NRAP: variants seen among roughly 807,000 people sequenced by gnomAD.
NRAP encodes the protein nebulin-related-anchoring protein.
Under a neutral mutation model 225.9 loss-of-function variants are expected in NRAP, and 189 were observed. That is an observed-to-expected ratio of 0.84 (90% CI 0.74 to 0.94). The LOEUF (loss-of-function observed/expected upper bound fraction) is 0.94, where lower values mean the gene tolerates loss of function less well. NRAP is among the 40% of genes least tolerant of loss of function. NRAP has a pLI of 0.00. For synonymous variants in NRAP, 769 were observed against 790.7 expected, an observed-to-expected ratio of 0.97 and a Z score of 0.46; for missense variants, 2,176 against 2,168.7, an observed-to-expected ratio of 1.00 and a Z score of -0.07.
Position 113,588,903 on chromosome 10 carries a change from A to G in NRAP, c.*72T>C. On this transcript the variant is annotated 3_prime_UTR_variant, in exon 42 of 42. Transcript: ENST00000359988. ...TGGGCCATTCCAGCTTGCCGAAATC[A>G]AAGCCATCTGAAGCCTGTCTCTGGT... The G allele has an allele frequency of 8.2e-7, 1 of 1,226,738 alleles. No individual in the cohort carries two copies. Among genetic ancestry groups the G allele is most frequent in the Non-Finnish European group, 1.2e-6 (1 of 838,248 alleles). The allele number at this position is 1,226,738 out of a possible 1,614,324, so 76.0% of individuals were successfully genotyped here. A position where few individuals can be genotyped will look rare whatever the true frequency, so the allele number is the denominator to read the frequency against.
intron 22 of NRAP, among the ~76,000 whole-genome samples, chr10:113,624,354 G>A (rs713585): frequency 0.12 from 17,814 of 152,186 alleles, 1,118 homozygotes; most frequent in Non-Finnish European, 0.14. Flanking sequence ...AGTGCTTGAT[G>A]TATAGAGACT....
At chr10:113,633,341 A>C (rs1848679182) in intron 15 of NRAP, among the ~76,000 whole-genome samples, 153 bp from the exon 16 acceptor site, 2 of 152,218 alleles carry the variant, frequency 1.3e-5, no homozygotes, top group Non-Finnish European at 2.9e-5. Flanking sequence ...TGAATGTTTT[A>C]AATTAATGAA....
chr10:113,634,166 C>T lies in NRAP; in HGVS notation c.1473G>A (p.Val491=), dbSNP rs907489248. 1 of 1,614,040 alleles carries T rather than the reference C, an allele frequency of 6.2e-7. No individual in the cohort carries two copies. The highest frequency in any genetic ancestry group is 8.5e-7 in the Non-Finnish European group (1 of 1,179,920). Residue 491 remains valine (V), a synonymous_variant, in exon 15 of 42, where the codon GTG becomes GTA. Coordinates refer to ENST00000359988, the MANE Select transcript of NRAP (RefSeq NM_198060.4). ...QSIDKLKYSS[V]TDTPQIVQAK... ...CTTGAACAATCTGTGGGGTGTCAGT[C>T]ACCGAGCTGTACTTCAACTTGTCGA...
rs1304536527 is a variant in NRAP, at chr10:113,662,731, T to C, written c.203A>G (p.Tyr68Cys). ...NPKNNTFTSV[Y>C]HTPLNLNVRT... Reference sequence around the variant, plus strand: ...CACATTTAGATTTAATGGAGTGTGATAGACACTGGTGAAAGTGTTGTTCTT... The same window carrying C: ...CACATTTAGATTTAATGGAGTGTGACAGACACTGGTGAAAGTGTTGTTCTT... Residue 68 changes from tyrosine (Y) to cysteine (C), a missense_variant, in exon 3 of 42, where the codon TAT (tyrosine) becomes TGT (cysteine). Physicochemically the swap from Tyr to Cys is radical, Grantham distance 194. Coordinates refer to ENST00000359988, the MANE Select transcript of NRAP (RefSeq NM_198060.4). 2 of 1,601,426 alleles carry C rather than the reference T, an allele frequency of 1.2e-6. 1 individual carries two copies. Among genetic ancestry groups the C allele is most frequent in the South Asian group, 2.2e-5 (2 of 90,752 alleles).
chr10:113,644,089 G>A (rs538917463), intron 11 of NRAP, among the ~76,000 whole-genome samples: 3 of 135,284 alleles, frequency 2.2e-5, no homozygotes, highest in Non-Finnish European at 4.6e-5. Context: ...GGAGGTTGCG[G>A]TGAGCTGAGA....
At chr10:113,626,172 A>G (rs1157257968) in intron 20 of NRAP, 27 bp from the exon 21 acceptor site, 2 of 1,534,606 alleles carry the variant, frequency 1.3e-6, no homozygotes, top group South Asian at 2.4e-5. Flanking sequence ...GGGACCCCAC[A>G]GCATTAGGAT....
Position 113,607,334 on chromosome 10 carries a change from G to A in NRAP, c.3703-1052C>T, listed in dbSNP as rs138009873. On this transcript the variant is annotated intron_variant, in intron 32 of 41. Transcript: ENST00000359988. Reference sequence around the variant, plus strand: ...GGAAAATTGCTTGAACCTGGAAGGCGGAGGTTCCAGTGAGCTGAGATAGCA... The same window carrying A: ...GGAAAATTGCTTGAACCTGGAAGGCAGAGGTTCCAGTGAGCTGAGATAGCA... Among the ~76,000 whole-genome samples the A allele has an allele frequency of 6.0e-3, 833 of 139,986 alleles. 6 individuals are homozygous for A. Among genetic ancestry groups the A allele is most frequent in the African/African-American group, 0.02 (763 of 37,462 alleles). The allele number at this position is 139,986 out of a possible 152,430, so 91.8% of individuals were successfully genotyped here.
In NRAP at chr10:113,588,750, C is replaced by CCAGA; in HGVS notation, c.*221_*224dup. 1 of 568,280 alleles carries CCAGA rather than the reference C, an allele frequency of 1.8e-6. No individual in the cohort carries two copies. The allele number at this position is 568,280 out of a possible 1,614,324, so 35.2% of individuals were successfully genotyped here. ...CACCATCACATCTTTATTCCTCAGC[C>CCAGA]CAGACACTCGAGGCACTCAACAGAA... is the stretch of plus-strand genomic sequence containing the variant. On this transcript the variant is annotated 3_prime_UTR_variant, in exon 42 of 42. Transcript: ENST00000359988.
At chr10:113,630,136 A>G (rs1453484593) in intron 18 of NRAP, among the ~76,000 whole-genome samples, 1 of 152,224 alleles carries the variant, frequency 6.6e-6, no homozygotes, top group Non-Finnish European at 1.5e-5. Context: ...TTCAAACCTG[A>G]TCTGCCCTCT....
intron 24 of NRAP, among the ~76,000 whole-genome samples, 167 bp from the exon 25 acceptor site, chr10:113,620,875 C>T (rs1847948528): frequency 6.6e-6 from 1 of 152,188 alleles, no homozygotes; most frequent in Non-Finnish European, 1.5e-5. Context: ...TCCCAAAAGT[C>T]AATTAATTCC....
intron 24 of NRAP, 66 bp downstream of exon 24, chr10:113,621,803 A>T (rs1848004700): frequency 1.4e-6 from 2 of 1,463,024 alleles, no homozygotes; most frequent in South Asian, 1.3e-5. Context: ...TTAGGGAAAC[A>T]CTTGCACTAG....
intron 35 of NRAP, among the ~76,000 whole-genome samples, chr10:113,603,988 G>A (rs887626702): frequency 1.3e-5 from 2 of 152,158 alleles, no homozygotes; most frequent in African/African-American, 4.8e-5. Flanking sequence ...CATATTTCAT[G>A]TATTCACCAT....
At chr10:113,604,265 T>C (rs1347027921) in intron 35 of NRAP, among the ~76,000 whole-genome samples, 1 of 152,074 alleles carries the variant, frequency 6.6e-6, no homozygotes, top group Non-Finnish European at 1.5e-5. Flanking sequence ...TACAGGTGCA[T>C]GCCACCATGC....
chr10:113,640,366 T>C, intron 13 of NRAP, 35 bp from the exon 14 acceptor site: 2 of 1,218,274 alleles, frequency 1.6e-6, no homozygotes, highest in Non-Finnish European at 2.3e-6. Context: ...AATGGAGAAA[T>C]CAATTTCTAC....
At chr10:113,623,502 T>G (rs1293451821) in intron 23 of NRAP, 27 bp downstream of exon 23, 4 of 1,494,880 alleles carry the variant, frequency 2.7e-6, no homozygotes, top group Non-Finnish European at 3.7e-6. Context: ...TTCTGCGGTC[T>G]CTTGTACAAG....
At position 113,631,984 on chromosome 10, in the gene NRAP, G is replaced by T; in HGVS notation, c.1633-20C>A. On this transcript the variant is annotated intron_variant, in intron 16 of 41. Transcript: ENST00000359988. ...CTTAACCTGACAAACAAAACCACAA[G>T]TGAATAGGAGTTGCTACCCATATTC... 1 of 1,410,676 alleles carries T rather than the reference G, an allele frequency of 7.1e-7. No individual in the cohort carries two copies. The highest frequency in any genetic ancestry group is 1.0e-6 in the Non-Finnish European group (1 of 995,766). The allele number at this position is 1,410,676 out of a possible 1,614,324, so 87.4% of individuals were successfully genotyped here. A position where few individuals can be genotyped will look rare whatever the true frequency, so the allele number is the denominator to read the frequency against.
At chr10:113,654,780 T>A (rs1850202317) in intron 4 of NRAP, among the ~76,000 whole-genome samples, 1 of 152,316 alleles carries the variant, frequency 6.6e-6, no homozygotes, top group Admixed American at 6.5e-5. Flanking sequence ...GCATCCACTT[T>A]AGAAGGTCCG....
intron 32 of NRAP, 75 bp downstream of exon 32, chr10:113,608,339 A>T: frequency 5.5e-6 from 5 of 909,792 alleles, no homozygotes; most frequent in Non-Finnish European, 8.9e-6. Flanking sequence ...TTCTCACCCC[A>T]AACACATTCA....
chr10:113,589,268 T>G (rs1433142020), intron 41 of NRAP, 189 bp from the exon 42 acceptor site: 3 of 593,260 alleles, frequency 5.1e-6, no homozygotes, highest in Non-Finnish European at 5.9e-6. Flanking sequence ...GCAAAGCCAA[T>G]CTCTCATTTA....
Sources: allele counts gnomAD v4.1 joint callset (sites outside exome capture counted in the v4.1 genomes callset), GRCh38; gene constraint gnomAD v4.1.1; transcripts MANE v1.5; gene names NCBI Gene and HGNC (gene_info 2026-07-23, HGNC 2026-07-21).